Variants in RBFOX1 observed in about 807,000 individuals in gnomAD.
RBFOX1 encodes the protein RNA binding protein fox-1 homolog 1.
In RBFOX1, 8 loss-of-function variants were observed where a neutral mutation model predicts 57.7. That is an observed-to-expected ratio of 0.14 (90% CI 0.08 to 0.25). The LOEUF is 0.25. RBFOX1 is among the 10% of genes least tolerant of loss of function. The probability of loss-of-function intolerance (pLI) is 1.00; values close to 1 mark genes in which losing one functional copy is unlikely to be tolerated. For synonymous variants in RBFOX1, 326 were observed against 222.4 expected (o/e 1.47, Z -4.15); for missense variants, 611 against 548.5 (o/e 1.11, Z -1.14).
intron 3 of RBFOX1, among the ~76,000 whole-genome samples, chr16:6,955,365 C>G (rs1837153979): frequency 6.6e-6 from 1 of 151,840 alleles, no homozygotes; most frequent in Admixed American, 6.6e-5. Flanking sequence ...CACACACACA[C>G]ACACACACGT....
chr16:7,019,267 A>G (rs1000681419), intron 3 of RBFOX1, among the ~76,000 whole-genome samples: 3 of 151,962 alleles, frequency 2.0e-5, no homozygotes, highest in Non-Finnish European at 1.5e-5. Context: ...GGTGCTTGAG[A>G]AAAAAACAGG....
At chr16:6,775,329 C>CAAAAAAAA (rs371277644) in intron 3 of RBFOX1, among the ~76,000 whole-genome samples, 1 of 67,334 alleles carries the variant, frequency 1.5e-5, no homozygotes, top group Admixed American at 1.9e-4. Context: ...GACTCTGTCT[C>CAAAAAAAA]AAAAAAAAAA....
At chr16:5,794,548 G>T (rs9934535) in intron 3 of RBFOX1, among the ~76,000 whole-genome samples, 3,607 of 152,194 alleles carry the variant, frequency 0.024, 140 homozygotes, top group African/African-American at 0.08. Context: ...CAGCCTTTCA[G>T]ATTTGCTCAT....
chr16:6,343,678 A>G (rs1436908099), intron 2 of RBFOX1, among the ~76,000 whole-genome samples: 4 of 152,190 alleles, frequency 2.6e-5, no homozygotes, highest in African/African-American at 7.2e-5. Context: ...TTGAATTGCT[A>G]GCTACTGTTT....
chr16:6,530,489 G>C (rs999525478), intron 2 of RBFOX1, among the ~76,000 whole-genome samples: 3 of 152,088 alleles, frequency 2.0e-5, no homozygotes, highest in African/African-American at 4.8e-5. Context: ...TCTTTCTCAC[G>C]ATGCATAACT....
intron 2 of RBFOX1, among the ~76,000 whole-genome samples, chr16:6,512,281 A>G (rs2096269888): frequency 8.5e-6 from 1 of 118,114 alleles, no homozygotes; most frequent in Non-Finnish European, 1.9e-5. Flanking sequence ...AAGACCCTGT[A>G]TCAAAAAAAA....
intron 3 of RBFOX1, among the ~76,000 whole-genome samples, chr16:7,043,001 A>G (rs1317831350): frequency 6.6e-6 from 1 of 152,088 alleles, no homozygotes; most frequent in Non-Finnish European, 1.5e-5. Context: ...CAAAACCTAA[A>G]TATTTTGCAA....
chr16:7,470,893 A>T (rs2061436490), intron 4 of RBFOX1, among the ~76,000 whole-genome samples: 1 of 151,846 alleles, frequency 6.6e-6, no homozygotes, highest in Non-Finnish European at 1.5e-5. Flanking sequence ...GGGATGGGGG[A>T]GTATAATTTG....
intron 1 of RBFOX1, among the ~76,000 whole-genome samples, chr16:6,077,029 G>T (rs1215144404): frequency 6.6e-6 from 1 of 152,170 alleles, no homozygotes; most frequent in Non-Finnish European, 1.5e-5. Context: ...GAGTGCAGAT[G>T]AAGCGCTCGG....
chr16:7,266,481 G>A (rs1264285560), intron 4 of RBFOX1, among the ~76,000 whole-genome samples: 1 of 152,148 alleles, frequency 6.6e-6, no homozygotes, highest in Non-Finnish European at 1.5e-5. Context: ...AACCTCTTTT[G>A]TTTATAAATT....
intron 3 of RBFOX1, among the ~76,000 whole-genome samples, chr16:6,918,693 A>G (rs892636762): frequency 6.6e-6 from 1 of 152,182 alleles, no homozygotes; most frequent in East Asian, 1.9e-4. Context: ...TGGTCGTTTC[A>G]GAGAAAGAAA....
In RBFOX1 at chr16:7,244,139, C is replaced by T. The variant is rs995554286; in HGVS notation, c.27+192041C>T. On this transcript the variant is annotated intron_variant, in intron 4 of 15. Transcript: ENST00000550418. ...GCTCAATCTTAAACAGCAGTATTGT[C>T]ATCAAAGGGTAACTCCAGAGAAAAA... is the stretch of plus-strand genomic sequence containing the variant. 6.0e-4 allele frequency among the ~76,000 whole-genome samples: 89 copies of T among 148,910 alleles called. 1 individual carries two copies. In the Admixed American group the frequency reaches 6.1e-3, roughly 10 times the overall value.
At chr16:7,321,895 G>C (rs1036040653) in intron 4 of RBFOX1, among the ~76,000 whole-genome samples, 15 of 152,146 alleles carry the variant, frequency 9.9e-5, no homozygotes, top group Admixed American at 5.2e-4. Context: ...ACATCGCAGA[G>C]AGACCATCTT....
chr16:6,032,561 C>T (rs563508572), intron 1 of RBFOX1, among the ~76,000 whole-genome samples: 36 of 152,200 alleles, frequency 2.4e-4, no homozygotes, highest in African/African-American at 8.2e-4. Flanking sequence ...TATGGATGTG[C>T]CTCATTGCAG....
At chr16:7,036,651 C>A (rs1032154077) in intron 3 of RBFOX1, among the ~76,000 whole-genome samples, 1 of 151,664 alleles carries the variant, frequency 6.6e-6, no homozygotes, top group South Asian at 2.1e-4. Context: ...CGAAATCGTG[C>A]CACTGCACTC....
At chr16:7,570,771 A>G (rs2152767479) in intron 5 of RBFOX1, among the ~76,000 whole-genome samples, 1 of 152,336 alleles carries the variant, frequency 6.6e-6, no homozygotes, top group South Asian at 2.1e-4. Context: ...ATTCTGTTAC[A>G]GACACACATA....
chr16:5,467,063 CAT>C (rs1488292407), intron 1 of RBFOX1, among the ~76,000 whole-genome samples: 3 of 152,166 alleles, frequency 2.0e-5, no homozygotes, highest in Admixed American at 6.5e-5. Context: ...GAGCCTGACA[CAT>C]GTTAGGCATT....
chr16:6,704,491 C>G (rs2062383050), intron 3 of RBFOX1: 1 of 152,254 alleles, frequency 6.6e-6, no homozygotes, highest in South Asian at 2.1e-4. Flanking sequence ...ACAGCAAACC[C>G]AGAGGCCATT....
chr16:6,826,163 C>G (rs1054546870), intron 3 of RBFOX1, among the ~76,000 whole-genome samples: 4 of 152,082 alleles, frequency 2.6e-5, no homozygotes, highest in Non-Finnish European at 5.9e-5. Context: ...CTGGAGAAGA[C>G]AGGACTCATC....
Sources: allele counts gnomAD v4.1 joint callset (sites outside exome capture counted in the v4.1 genomes callset), GRCh38; gene constraint gnomAD v4.1.1; transcripts MANE v1.5; gene names NCBI Gene and HGNC (gene_info 2026-07-23, HGNC 2026-07-21).